Variants in CUL4A observed in about 807,000 individuals in gnomAD.
The protein encoded by CUL4A is cullin-4A.
A neutral mutation model predicts 95.5 loss-of-function variants in CUL4A; 16 were observed. The ratio of observed to expected loss-of-function variants is 0.17; its 90% CI spans 0.11 to 0.25. The LOEUF is 0.25. Among genes scored for constraint, CUL4A ranks in the 10% least tolerant of loss-of-function variants. CUL4A has a pLI of 1.00. For missense variants in CUL4A, 610 were observed against 937.0 expected (o/e 0.65, Z 4.56); for synonymous variants, 380 against 353.1 (o/e 1.08, Z -0.85).
At chr13:113,253,029 T>A in intron 15 of CUL4A, 53 bp from the exon 16 acceptor site, 2 of 786,998 alleles carry the variant, frequency 2.5e-6, no homozygotes, top group South Asian at 3.7e-5. Flanking sequence ...AATGGGGAGC[T>A]ATTGAGATGG....
chr13:113,223,173 C>T (rs2316442), intron 3 of CUL4A, among the ~76,000 whole-genome samples: 30,902 of 151,970 alleles, frequency 0.2, 3,791 homozygotes, highest in South Asian at 0.43. Context: ...GGACCAGGGA[C>T]AGGCATGAAT....
chr13:113,233,776 G>C, intron 6 of CUL4A, 121 bp from the exon 7 acceptor site: 1 of 703,318 alleles, frequency 1.4e-6, no homozygotes, highest in East Asian at 2.6e-5. Flanking sequence ...CGGCTGGGTG[G>C]CCACAGGCGC....
intron 3 of CUL4A, among the ~76,000 whole-genome samples, chr13:113,224,023 C>T (rs1046204128): frequency 2.6e-5 from 4 of 152,192 alleles, no homozygotes; most frequent in Non-Finnish European, 5.9e-5. Flanking sequence ...CCACGTGCCA[C>T]CCAGCCAAGC....
chr13:113,246,315 T>C (rs1240469550), intron 15 of CUL4A, among the ~76,000 whole-genome samples: 1 of 152,220 alleles, frequency 6.6e-6, no homozygotes, highest in Non-Finnish European at 1.5e-5. Flanking sequence ...GGCACTTGTT[T>C]TGGAAGTTAT....
chr13:113,234,412 C>T (rs2041469198), intron 7 of CUL4A, among the ~76,000 whole-genome samples: 1 of 152,160 alleles, frequency 6.6e-6, no homozygotes, highest in South Asian at 2.1e-4. Flanking sequence ...AATCACCTTT[C>T]CAGATACCAG....
In CUL4A at chr13:113,233,329, C is replaced by A; in HGVS notation, c.665C>A (p.Ser222Tyr). The stretch of plus-strand genomic sequence containing the variant: ...TTGCGGAGCCTCCTGGGCATGCTGT[C>A]TGACCTGCAGGTGAGTGCTGCCTGT... ...SLLRSLLGML[S>Y]DLQVYKDSFE... The change falls in exon 6 of 20, where the codon TCT becomes TAT. Residue 222 changes from serine (S) to tyrosine (Y), a missense_variant. Coordinates refer to ENST00000375440, the MANE Select transcript of CUL4A (RefSeq NM_001008895.4). The A allele has an allele frequency of 6.2e-7, 1 of 1,612,776 alleles. No homozygotes were observed. The highest frequency in any genetic ancestry group is 1.1e-5 in the South Asian group (1 of 91,000).
intron 2 of CUL4A, among the ~76,000 whole-genome samples, chr13:113,212,118 C>T (rs1475084940): frequency 2.6e-5 from 4 of 152,218 alleles, no homozygotes; most frequent in Non-Finnish European, 5.9e-5. Context: ...GACGAAGTGT[C>T]TATTTAAATA....
chr13:113,226,970 C>G (rs149304235), intron 3 of CUL4A, among the ~76,000 whole-genome samples: 31 of 152,266 alleles, frequency 2.0e-4, no homozygotes, highest in East Asian at 1.3e-3. Context: ...CCTTTTGTCC[C>G]GCCACCTACC....
intron 1 of CUL4A, 26 bp from the exon 2 acceptor site, chr13:113,209,947 C>G (rs1363558898): frequency 1.4e-6 from 2 of 1,474,904 alleles, no homozygotes; most frequent in Non-Finnish European, 1.8e-6. Flanking sequence ...GCGCCCTGAG[C>G]CGCCCGCTCT....
intron 10 of CUL4A, among the ~76,000 whole-genome samples, chr13:113,240,148 C>CCT (rs1283621671): frequency 6.6e-6 from 1 of 152,202 alleles, no homozygotes; most frequent in Non-Finnish European, 1.5e-5. Flanking sequence ...TGACATAGGA[C>CCT]CTCCCTGAAG....
Position 113,266,534 on chromosome 13 carries a change from A to G in CUL4A, c.*2952A>G, listed in dbSNP as rs187851273. On this transcript the variant is annotated 3_prime_UTR_variant, in exon 20 of 20. Coordinates refer to ENST00000375440, the MANE Select transcript of CUL4A (RefSeq NM_001008895.4). ...GATTCTAAAGTTAAAACAGAAAAGC[A>G]AATATGCCAGACTAGTCAAATTGTT... 2.6e-5 allele frequency: 4 copies of G among 152,370 alleles called. No homozygotes were observed. The highest frequency in any genetic ancestry group is 2.6e-4 in the Admixed American group (4 of 15,308). The allele number at this position is 152,370 out of a possible 1,614,324, so 9.4% of individuals were successfully genotyped here.
intron 19 of CUL4A, among the ~76,000 whole-genome samples, chr13:113,263,173 C>T (rs1385486031): frequency 1.3e-5 from 2 of 152,140 alleles, no homozygotes; most frequent in Admixed American, 6.6e-5. Flanking sequence ...CTCGCTTATA[C>T]GTGCCCTTAC....
At chr13:113,243,256 A>C in intron 11 of CUL4A, 96 bp downstream of exon 11, 1 of 1,193,530 alleles carries the variant, frequency 8.4e-7, no homozygotes, top group African/African-American at 1.5e-5. Context: ...GGCAAAATCA[A>C]CCAAAATGTT....
In CUL4A at chr13:113,263,598, T is replaced by A; in HGVS notation, c.*16T>A. On this transcript the variant is annotated 3_prime_UTR_variant, in exon 20 of 20. Coordinates refer to ENST00000375440, the MANE Select transcript of CUL4A (RefSeq NM_001008895.4). The stretch of plus-strand genomic sequence containing the variant: ...CGTGGCCTGACGCATCTGCAGACGG[T>A]TCCCCTTCATGAAACACTAGAATGT... 3 of 1,515,130 alleles carry A rather than the reference T, an allele frequency of 2.0e-6. No homozygotes were observed. Among genetic ancestry groups the A allele is most frequent in the Non-Finnish European group, 2.7e-6 (3 of 1,107,072 alleles). The allele number at this position is 1,515,130 out of a possible 1,614,324, so 93.9% of individuals were successfully genotyped here. A position where few individuals can be genotyped will look rare whatever the true frequency, so the allele number is the denominator to read the frequency against.
intron 18 of CUL4A, among the ~76,000 whole-genome samples, chr13:113,258,798 TGAA>T (rs2042197611): frequency 6.6e-6 from 1 of 152,208 alleles, no homozygotes; most frequent in African/African-American, 2.4e-5. Flanking sequence ...AACGCTTTCC[TGAA>T]GAAGTGACTA....
intron 2 of CUL4A, among the ~76,000 whole-genome samples, chr13:113,211,906 C>CCACTCCGCCACCAGCGTGTG (rs2040461415): frequency 1.3e-5 from 2 of 151,958 alleles, no homozygotes; most frequent in Non-Finnish European, 2.9e-5. Context: ...AGCTCCGGTT[C>CCACTCCGCCACCAGCGTGTG]CACTCCGCCA....
At chr13:113,242,268 C>CA (rs77043721) in intron 10 of CUL4A, among the ~76,000 whole-genome samples, 179 of 128,730 alleles carry the variant, frequency 1.4e-3, no homozygotes, top group African/African-American at 3.5e-3. Flanking sequence ...CATCTCAAAA[C>CA]AAAAAAAAAA....
intron 10 of CUL4A, among the ~76,000 whole-genome samples, chr13:113,241,234 A>G (rs928979079): frequency 1.3e-5 from 2 of 152,218 alleles, no homozygotes; most frequent in Admixed American, 6.5e-5. Flanking sequence ...AAAACTAGGA[A>G]AAGTTCACCT....
chr13:113,250,227 A>G (rs929629786), intron 15 of CUL4A, among the ~76,000 whole-genome samples: 2 of 152,162 alleles, frequency 1.3e-5, no homozygotes, highest in African/African-American at 2.4e-5. Context: ...TGGGAAGCCA[A>G]AGATCACTTG....
Sources: allele counts gnomAD v4.1 joint callset (sites outside exome capture counted in the v4.1 genomes callset), GRCh38; gene constraint gnomAD v4.1.1; transcripts MANE v1.5; gene names NCBI Gene and HGNC (gene_info 2026-07-23, HGNC 2026-07-21).